AGFG1: variants seen among roughly 807,000 people sequenced by gnomAD.
AGFG1 encodes arf-GAP domain and FG repeat-containing protein 1.
A neutral mutation model predicts 60.6 loss-of-function variants in AGFG1; 10 were observed. The ratio of observed to expected loss-of-function variants is 0.16; its 90% CI spans 0.10 to 0.28. The LOEUF (loss-of-function observed/expected upper bound fraction) is 0.28. Among genes scored for constraint, AGFG1 ranks in the 10% least tolerant of loss-of-function variants. The pLI is 1.00. For missense variants in AGFG1, 537 were observed against 676.5 expected, an observed-to-expected ratio of 0.79 and a Z score of 2.29; for synonymous variants, 247 against 242.9, an observed-to-expected ratio of 1.02 and a Z score of -0.16.
chr2:227,520,800 G>C (rs1390685711), intron 3 of AGFG1, among the ~76,000 whole-genome samples: 1 of 152,134 alleles, frequency 6.6e-6, no homozygotes, highest in South Asian at 2.1e-4. Flanking sequence ...GTATTGCATA[G>C]TGGATACTTT....
chr2:227,516,913 A>G (rs1691666713), intron 2 of AGFG1, among the ~76,000 whole-genome samples: 1 of 152,188 alleles, frequency 6.6e-6, no homozygotes, highest in Non-Finnish European at 1.5e-5. Context: ...TTTAAAATAG[A>G]AGAATGAAAA....
chr2:227,545,778 G>A (rs1692628045), intron 10 of AGFG1, among the ~76,000 whole-genome samples: 1 of 152,198 alleles, frequency 6.6e-6, no homozygotes, highest in Non-Finnish European at 1.5e-5. Flanking sequence ...TGTTTGCCTG[G>A]GTATCACCAG....
intron 5 of AGFG1, among the ~76,000 whole-genome samples, chr2:227,528,815 C>T (rs1046896844): frequency 6.6e-6 from 1 of 152,166 alleles, no homozygotes; most frequent in Non-Finnish European, 1.5e-5. Context: ...CTTTCAACAG[C>T]TCCCTTAAAA....
intron 1 of AGFG1, among the ~76,000 whole-genome samples, chr2:227,485,243 CTTTTTT>C (rs71036201): frequency 2.7e-5 from 3 of 110,570 alleles, no homozygotes; most frequent in African/African-American, 3.5e-5. Flanking sequence ...CGAATCGTTT[CTTTTTT>C]TTTTTTTTTT....
chr2:227,527,393 T>G (rs1054359850), intron 5 of AGFG1, among the ~76,000 whole-genome samples: 2 of 152,238 alleles, frequency 1.3e-5, no homozygotes, highest in South Asian at 2.1e-4. Context: ...GTATGTATGT[T>G]TGTATGTTTA....
chr2:227,508,855 C>T (rs535223408), intron 2 of AGFG1, among the ~76,000 whole-genome samples: 25 of 152,018 alleles, frequency 1.6e-4, no homozygotes, highest in Admixed American at 2.6e-4. Flanking sequence ...TAGATTAGAT[C>T]CTGAGATATA....
chr2:227,541,543 C>T (rs753206321), intron 10 of AGFG1, among the ~76,000 whole-genome samples: 35 of 152,238 alleles, frequency 2.3e-4, no homozygotes, highest in Non-Finnish European at 4.7e-4. Context: ...TGTTCTGTTC[C>T]ATTGGTCTAT....
intron 1 of AGFG1, among the ~76,000 whole-genome samples, chr2:227,478,493 G>A (rs1690357883): frequency 6.6e-6 from 1 of 151,922 alleles, no homozygotes. Flanking sequence ...ACAGGCGCGT[G>A]CCACCATGCC....
intron 10 of AGFG1, among the ~76,000 whole-genome samples, chr2:227,550,813 T>C (rs1271438562): frequency 6.6e-6 from 1 of 152,212 alleles, no homozygotes. Context: ...CTTAAATCAA[T>C]GAACAAATTG....
At chr2:227,507,758 G>C (rs548769505) in intron 2 of AGFG1, among the ~76,000 whole-genome samples, 1 of 151,364 alleles carries the variant, frequency 6.6e-6, no homozygotes, top group Non-Finnish European at 1.5e-5. Flanking sequence ...AGTAGATATG[G>C]TGCACCACCA....
In AGFG1 at chr2:227,554,465, A is replaced by G. The variant is rs1044577528; in HGVS notation, c.1659A>G (p.Thr553=). ...MTGAPTGQFP[T]GSSSTNPFL is the part of the protein sequence containing the mutation. ...GTGCACCAACAGGACAATTTCCAAC[A>G]GGAAGCTCATCAACCAATCCTTTCT... is the stretch of plus-strand genomic sequence containing the variant. The change falls in exon 13 of 13, where the codon ACA becomes ACG. Residue 553 remains threonine (T), a synonymous_variant. Coordinates refer to ENST00000310078, the MANE Select transcript of AGFG1 (RefSeq NM_004504.5). 1 of 1,613,700 alleles carries G rather than the reference A, an allele frequency of 6.2e-7. No individual in the cohort carries two copies. Among genetic ancestry groups the G allele is most frequent in the Non-Finnish European group, 8.5e-7 (1 of 1,179,758 alleles).
At chr2:227,546,428 C>G (rs1329826231) in intron 10 of AGFG1, among the ~76,000 whole-genome samples, 1 of 152,220 alleles carries the variant, frequency 6.6e-6, no homozygotes, top group South Asian at 2.1e-4. Context: ...TTCCCTGACC[C>G]CTTGCACTTC....
chr2:227,495,042 T>C (rs1690934771), intron 2 of AGFG1, among the ~76,000 whole-genome samples: 1 of 152,230 alleles, frequency 6.6e-6, no homozygotes, highest in African/African-American at 2.4e-5. Context: ...ACTATTACTT[T>C]AGTGTTTATA....
intron 12 of AGFG1, among the ~76,000 whole-genome samples, 170 bp downstream of exon 12, chr2:227,553,965 C>T (rs1692897173): frequency 1.3e-5 from 2 of 152,050 alleles, no homozygotes; most frequent in African/African-American, 4.8e-5. Flanking sequence ...CCTTTTCTGA[C>T]CTTTTAAAAA....
chr2:227,515,787 G>T (rs1190797305), intron 2 of AGFG1, among the ~76,000 whole-genome samples: 1 of 151,852 alleles, frequency 6.6e-6, no homozygotes, highest in African/African-American at 2.4e-5. Flanking sequence ...TCAGTTGATG[G>T]TGTTTATTTT....
Position 227,552,009 on chromosome 2 carries a change from C to T in AGFG1, c.1429C>T (p.Pro477Ser), listed in dbSNP as rs901070431. The change falls in exon 11 of 13, where the codon CCT becomes TCT. Residue 477 changes from proline to serine, a missense_variant. Transcript: ENST00000310078. ...GAGCATGCCCACAGGATTCGGCACT[C>T]CTGCTCCCTACAGTCTTCCCACCAG... ...SMSMPTGFGTPAPYSLPTSFS... is the reference protein window; with the variant it reads ...SMSMPTGFGTSAPYSLPTSFS... 2 of 1,614,192 alleles carry T rather than the reference C, an allele frequency of 1.2e-6. No individual in the cohort carries two copies. Among genetic ancestry groups the T allele is most frequent in the South Asian group, 1.1e-5 (1 of 91,082 alleles).
chr2:227,478,178 A>G (rs979081518), intron 1 of AGFG1, among the ~76,000 whole-genome samples: 29 of 151,368 alleles, frequency 1.9e-4, no homozygotes, highest in African/African-American at 7.0e-4. Context: ...CCCTCATTGT[A>G]TGCAGTCAAG....
At chr2:227,549,327 C>T (rs1692750662) in intron 10 of AGFG1, among the ~76,000 whole-genome samples, 1 of 152,160 alleles carries the variant, frequency 6.6e-6, no homozygotes. Flanking sequence ...ATATTTTAGA[C>T]ACAATCTTCA....
At chr2:227,548,569 G>A (rs1692720329) in intron 10 of AGFG1, among the ~76,000 whole-genome samples, 1 of 152,186 alleles carries the variant, frequency 6.6e-6, no homozygotes, top group African/African-American at 2.4e-5. Context: ...ATACATATGA[G>A]AAATGCTGGA....
Sources: gnomAD v4.1 joint callset for allele counts (sites outside exome capture counted in the v4.1 genomes callset) on GRCh38, gnomAD v4.1.1 for gene constraint, MANE v1.5 for transcripts, NCBI Gene and HGNC (gene_info 2026-07-23, HGNC 2026-07-21) for gene names.